The following KYAT3 variants were observed in gnomAD, a reference collection of about 807,000 sequenced individuals.
The protein encoded by KYAT3 is kynurenine aminotransferase 3.
Under a neutral mutation model 59.0 loss-of-function variants are expected in KYAT3, and 50 were observed. That is an observed-to-expected ratio of 0.85 (90% CI 0.68 to 1.07). The LOEUF is 1.07. Among genes scored for constraint, KYAT3 ranks in the 50% least tolerant of loss-of-function variants. KYAT3 has a pLI of 0.00. For missense variants in KYAT3, 497 were observed against 533.3 expected, an observed-to-expected ratio of 0.93 and a Z score of 0.67; for synonymous variants, 148 against 177.0, an observed-to-expected ratio of 0.84 and a Z score of 1.30.
At chr1:88,990,557 C>T (rs1445053617) in intron 1 of KYAT3, among the ~76,000 whole-genome samples, 1 of 152,168 alleles carries the variant, frequency 6.6e-6, no homozygotes, top group East Asian at 1.9e-4. Context: ...CACCATGTCC[C>T]CTTGGCTTTT....
intron 4 of KYAT3, among the ~76,000 whole-genome samples, chr1:88,965,903 T>C (rs7542999): frequency 0.031 from 4,785 of 152,304 alleles, 223 homozygotes; most frequent in African/African-American, 0.11. Context: ...GTCTAACAAA[T>C]TCTAGCAAGA....
At chr1:88,924,430 A>ATACACAG in the KYAT3 span, among the ~76,000 whole-genome samples, 1 of 152,014 alleles carries the variant, frequency 6.6e-6, no homozygotes, top group Non-Finnish European at 1.5e-5. Context: ...TGTGTCTGTG[A>ATACACAG]GCCTTTCCTT....
intron 11 of KYAT3, among the ~76,000 whole-genome samples, chr1:88,947,310 A>G (rs999866074): frequency 9.2e-5 from 14 of 152,184 alleles, no homozygotes; most frequent in African/African-American, 3.4e-4. Flanking sequence ...TTTGGCCCAC[A>G]GATCCCACTC....
At chr1:88,963,648 C>G (rs1676232300) in intron 5 of KYAT3, among the ~76,000 whole-genome samples, 1 of 152,200 alleles carries the variant, frequency 6.6e-6, no homozygotes, top group Admixed American at 6.5e-5. Flanking sequence ...TCCTCGTAAT[C>G]CATTTGCAAG....
chr1:88,943,247 A>G, intron 12 of KYAT3, 103 bp downstream of exon 12: 1 of 977,066 alleles, frequency 1.0e-6, no homozygotes, highest in Non-Finnish European at 1.6e-6. Context: ...GGAGTATCAT[A>G]TAACAACATT....
chr1:88,986,303 T>G (rs1570850644), intron 2 of KYAT3, among the ~76,000 whole-genome samples: 1 of 150,632 alleles, frequency 6.6e-6, no homozygotes, highest in South Asian at 2.1e-4. Context: ...ATTTAAATTT[T>G]AGACTCTCTT....
intron 13 of KYAT3, among the ~76,000 whole-genome samples, chr1:88,938,504 C>T (rs1368855602): frequency 6.6e-6 from 1 of 152,148 alleles, no homozygotes; most frequent in East Asian, 1.9e-4. Context: ...CAGCACCCAA[C>T]AGTTATCTTT....
At chr1:88,929,894 C>T in the KYAT3 span, among the ~76,000 whole-genome samples, 4 of 152,146 alleles carry the variant, frequency 2.6e-5, no homozygotes, top group South Asian at 6.2e-4. Context: ...AATAGCCAGG[C>T]CTTTATATAC....
the KYAT3 span, among the ~76,000 whole-genome samples, chr1:88,929,219 A>G: frequency 7.9e-5 from 12 of 152,274 alleles, no homozygotes; most frequent in African/African-American, 2.2e-4. Context: ...AAACCATGCA[A>G]TAGCCCCTGC....
chr1:88,984,579 G>A (rs17130676), intron 2 of KYAT3, among the ~76,000 whole-genome samples: 3,639 of 152,292 alleles, frequency 0.024, 134 homozygotes, highest in African/African-American at 0.082. Flanking sequence ...TGCCTGATAC[G>A]CTGTAGCTAT....
the KYAT3 span, among the ~76,000 whole-genome samples, chr1:88,928,999 C>A: frequency 1.3e-5 from 2 of 152,050 alleles, no homozygotes; most frequent in Non-Finnish European, 2.9e-5. Flanking sequence ...AGAAGGAACA[C>A]TCGTTTGTTG....
intron 8 of KYAT3, among the ~76,000 whole-genome samples, chr1:88,959,921 A>G (rs1386248212): frequency 6.7e-6 from 1 of 150,250 alleles, no homozygotes; most frequent in Non-Finnish European, 1.5e-5. Context: ...AAAAAAAATT[A>G]GCCGGGTATG....
chr1:88,958,998 C>T (rs962964817), intron 8 of KYAT3, among the ~76,000 whole-genome samples: 2 of 152,132 alleles, frequency 1.3e-5, no homozygotes, highest in Admixed American at 6.6e-5. Flanking sequence ...CAAACTGAGG[C>T]GAGGTTCTAT....
chr1:88,925,141 G>A, the KYAT3 span, among the ~76,000 whole-genome samples: 5 of 152,184 alleles, frequency 3.3e-5, no homozygotes, highest in Admixed American at 6.5e-5. Context: ...GGCACCTGTC[G>A]TCCGGTTCGT....
intron 5 of KYAT3, 147 bp downstream of exon 5, chr1:88,964,678 TTAAG>T: frequency 1.5e-6 from 1 of 670,520 alleles, no homozygotes; most frequent in Non-Finnish European, 2.6e-6. Flanking sequence ...AGCTGTACAT[TTAAG>T]ATTTGTGAAC....
At chr1:88,964,213 A>C (rs1676253794) in intron 5 of KYAT3, among the ~76,000 whole-genome samples, 2 of 152,320 alleles carry the variant, frequency 1.3e-5, no homozygotes, top group African/African-American at 4.8e-5. Context: ...AAAAAACAAA[A>C]ACAATCACAA....
chr1:88,942,842 A>G (rs1201286037), intron 13 of KYAT3, among the ~76,000 whole-genome samples, 163 bp downstream of exon 13: 5 of 152,152 alleles, frequency 3.3e-5, no homozygotes, highest in Non-Finnish European at 5.9e-5. Flanking sequence ...GATTACAGGC[A>G]TGAGCCACCA....
In KYAT3 at chr1:88,949,296, A is replaced by T; in HGVS notation, c.955-19T>A. On this transcript the variant is annotated intron_variant, in intron 10 of 13. Transcript: ENST00000260508. ...AGGCTTCCTGTTTGTTAAGAATCAAAAAATATGAAAAGGCATATGGCAATG... is the reference window on the plus strand; with the variant it reads ...AGGCTTCCTGTTTGTTAAGAATCAATAAATATGAAAAGGCATATGGCAATG... 1 of 1,513,510 alleles carries T rather than the reference A, an allele frequency of 6.6e-7. No homozygotes were observed. The highest frequency in any genetic ancestry group is 8.8e-7 in the Non-Finnish European group (1 of 1,134,156). 93.8% of individuals were successfully genotyped at this position (1,513,510 alleles called of 1,614,324 possible). A position where few individuals can be genotyped will look rare whatever the true frequency, so the allele number is the denominator to read the frequency against.
chr1:88,924,120 T>C, the KYAT3 span, among the ~76,000 whole-genome samples: 1 of 152,292 alleles, frequency 6.6e-6, no homozygotes. Flanking sequence ...GATTTGTGGT[T>C]AAAGGCTGGC....
Sources: gnomAD v4.1 joint callset for allele counts (sites outside exome capture counted in the v4.1 genomes callset) on GRCh38, gnomAD v4.1.1 for gene constraint, MANE v1.5 for transcripts, NCBI Gene and HGNC (gene_info 2026-07-23, HGNC 2026-07-21) for gene names.